The following TMEM132C variants were observed in gnomAD, a reference collection of about 807,000 sequenced individuals.
The protein encoded by TMEM132C is protein phosphatase 1, regulatory subunit 152.
A neutral mutation model predicts 61.4 loss-of-function variants in TMEM132C; 29 were observed. The ratio of observed to expected loss-of-function variants is 0.47; its 90% confidence interval spans 0.35 to 0.64. The LOEUF is 0.64. Ranked by LOEUF, TMEM132C falls within the 30% of genes least tolerant of loss-of-function variation. The pLI is 0.00. For synonymous variants in TMEM132C, 656 were observed against 633.1 expected (o/e 1.04, Z -0.54); for missense variants, 1,408 against 1,476.9 (o/e 0.95, Z 0.76).
At chr12:128,693,043 A>G (rs919142258) in intron 5 of TMEM132C, among the ~76,000 whole-genome samples, 1 of 152,178 alleles carries the variant, frequency 6.6e-6, no homozygotes, top group African/African-American at 2.4e-5. Flanking sequence ...ATAGAAGACC[A>G]CAGAAGGGGT....
At position 128,630,569 on chromosome 12, in the gene TMEM132C, A is replaced by G. The variant is rs774206291; in HGVS notation, c.1305+14234A>G. Among the ~76,000 whole-genome samples, 1 of 152,132 alleles carries G rather than the reference A, an allele frequency of 6.6e-6. No individual in the cohort carries two copies. The highest frequency in any genetic ancestry group is 1.5e-5 in the Non-Finnish European group (1 of 68,028). ...CTCCCTTTGCAGTCTCATCTCTGCC[A>G]GACACGATGCTATCTGTGCAGTCAG... On this transcript the variant is annotated intron_variant, in intron 4 of 8. Coordinates refer to ENST00000435159, the MANE Select transcript of TMEM132C (RefSeq NM_001136103.3). The surrounding 1 kb of genome is among the most constrained non-coding windows in gnomAD (Gnocchi z 4.3).
rs570978102 is a variant in TMEM132C at position 128,402,534 on chromosome 12, G to A, written c.86-12198G>A. 1.2e-3 allele frequency among the ~76,000 whole-genome samples: 179 copies of A among 152,274 alleles called. 1 individual carries two copies. The highest frequency in any genetic ancestry group is 3.4e-3 in the Middle Eastern group (1 of 294). ...TAAATGGCTAAGTTTGTAGTAATTC[G>A]TTCCAGCAGCGTAGGAAACTGACAC... On this transcript the variant is annotated intron_variant, in intron 1 of 8. Coordinates refer to ENST00000435159, the MANE Select transcript of TMEM132C (RefSeq NM_001136103.3).
At chr12:128,310,541 CGGG>C (rs1871934162) in intron 1 of TMEM132C, among the ~76,000 whole-genome samples, 1 of 151,648 alleles carries the variant, frequency 6.6e-6, no homozygotes, top group Non-Finnish European at 1.5e-5. Context: ...AGAGTGGGGT[CGGG>C]GGTTTGCCAC....
intron 1 of TMEM132C, among the ~76,000 whole-genome samples, chr12:128,390,003 T>C (rs1270051519): frequency 2.0e-5 from 3 of 152,156 alleles, no homozygotes; most frequent in African/African-American, 7.2e-5. Context: ...CCCAGTCTCC[T>C]GAGTATCTGG....
At chr12:128,682,103 T>C (rs910108583) in intron 5 of TMEM132C, among the ~76,000 whole-genome samples, 1 of 152,176 alleles carries the variant, frequency 6.6e-6, no homozygotes, top group Admixed American at 6.5e-5. Flanking sequence ...TCTGAGCCAA[T>C]TGCTGTGGCT....
chr12:128,486,190 G>T (rs1455518293), intron 2 of TMEM132C, among the ~76,000 whole-genome samples: 1 of 152,170 alleles, frequency 6.6e-6, no homozygotes, highest in Non-Finnish European at 1.5e-5. Context: ...GGCACATTGG[G>T]TTGTTGCATT....
At chr12:128,327,637 G>T (rs1383817441) in intron 1 of TMEM132C, among the ~76,000 whole-genome samples, 1 of 151,964 alleles carries the variant, frequency 6.6e-6, no homozygotes, top group African/African-American at 2.4e-5. Context: ...CCCACCTCAG[G>T]CTCCCAAAGT....
chr12:128,454,866 G>T (rs950467150), intron 2 of TMEM132C, among the ~76,000 whole-genome samples: 1 of 152,232 alleles, frequency 6.6e-6, no homozygotes, highest in African/African-American at 2.4e-5. Context: ...CTGAGGACGG[G>T]TTGTCACAGA....
intron 2 of TMEM132C, among the ~76,000 whole-genome samples, chr12:128,538,950 C>G (rs1437036883): frequency 2.6e-5 from 4 of 152,086 alleles, no homozygotes; most frequent in Non-Finnish European, 5.9e-5. Context: ...ATAATGAGTT[C>G]TTATCTTCAG....
At chr12:128,425,013 T>C (rs11059685) in intron 2 of TMEM132C, among the ~76,000 whole-genome samples, 89,031 of 152,122 alleles carry the variant, frequency 0.59, 29,813 homozygotes, top group Non-Finnish European at 0.75. Context: ...CAATCAGATA[T>C]GTGGGTTGAA....
At chr12:128,577,164 A>G (rs907625321) in intron 3 of TMEM132C, among the ~76,000 whole-genome samples, 4 of 152,212 alleles carry the variant, frequency 2.6e-5, no homozygotes, top group African/African-American at 9.6e-5. Context: ...TTTTATGTAC[A>G]TGGAATCATA....
At chr12:128,284,537 A>G (rs1187192347) in intron 1 of TMEM132C, among the ~76,000 whole-genome samples, 1 of 152,220 alleles carries the variant, frequency 6.6e-6, no homozygotes, top group Non-Finnish European at 1.5e-5. Flanking sequence ...AAGCCAATCC[A>G]CATCAATCTA....
rs553486968 is a variant in TMEM132C at position 128,344,213 on chromosome 12, C to T, written c.86-70519C>T. On this transcript the variant is annotated intron_variant, in intron 1 of 8. Coordinates refer to ENST00000435159, the MANE Select transcript of TMEM132C (RefSeq NM_001136103.3). ...TGCTCTGTTGCCCAGGCTGGAGTGC[C>T]GTGGCGCAATCTAGGCTCACGGCAA... Among the ~76,000 whole-genome samples the T allele has an allele frequency of 1.8e-3, 279 of 152,010 alleles. 1 individual carries two copies. Among genetic ancestry groups the T allele is most frequent in the African/African-American group, 6.4e-3 (265 of 41,468 alleles).
intron 1 of TMEM132C, among the ~76,000 whole-genome samples, chr12:128,306,607 T>A (rs376447128): frequency 6.6e-6 from 1 of 152,208 alleles, no homozygotes; most frequent in African/African-American, 2.4e-5. Context: ...GTGTAATGTT[T>A]ATGGGACAGC....
chr12:128,423,130 G>A (rs761313291), intron 2 of TMEM132C, among the ~76,000 whole-genome samples: 1 of 152,150 alleles, frequency 6.6e-6, no homozygotes, highest in Non-Finnish European at 1.5e-5. Flanking sequence ...CCTCTCTCAC[G>A]AATAAAGACA....
chr12:128,529,742 T>C (rs1166017098), intron 2 of TMEM132C, among the ~76,000 whole-genome samples: 3 of 152,066 alleles, frequency 2.0e-5, no homozygotes, highest in Non-Finnish European at 2.9e-5. Flanking sequence ...GCCGAGATCG[T>C]GCCACTGCAC....
At chr12:128,375,558 T>C (rs544970078) in intron 1 of TMEM132C, among the ~76,000 whole-genome samples, 1 of 152,220 alleles carries the variant, frequency 6.6e-6, no homozygotes, top group South Asian at 2.1e-4. Flanking sequence ...CTCCTTTCTT[T>C]TTATAAGGAA....
chr12:128,306,679 A>G (rs959278547), intron 1 of TMEM132C, among the ~76,000 whole-genome samples: 3 of 152,222 alleles, frequency 2.0e-5, no homozygotes, highest in African/African-American at 7.2e-5. Flanking sequence ...GAAGACTTCA[A>G]GAAGAACATA....
intron 2 of TMEM132C, among the ~76,000 whole-genome samples, chr12:128,456,992 T>C (rs1351096792): frequency 6.6e-6 from 1 of 152,186 alleles, no homozygotes; most frequent in Non-Finnish European, 1.5e-5. Flanking sequence ...GAGTATATCA[T>C]TCCTCTATTG....
Sources: gnomAD v4.1 joint callset for allele counts (sites outside exome capture counted in the v4.1 genomes callset) on GRCh38, gnomAD v4.1.1 for gene constraint, Gnocchi (gnomAD v3.1) non-coding constraint, MANE v1.5 for transcripts, NCBI Gene and HGNC (gene_info 2026-07-23, HGNC 2026-07-21) for gene names.